Variants in EPS15L1 observed in about 807,000 individuals in gnomAD.
The protein encoded by EPS15L1 is epidermal growth factor receptor pathway substrate 15 like 1.
EPS15L1 carries 43 observed loss-of-function variants against 117.1 expected under a neutral mutation model. That is an observed-to-expected ratio of 0.37 (90% CI 0.29 to 0.47). EPS15L1 has a LOEUF of 0.47. EPS15L1 is among the 20% of genes least tolerant of loss of function. The pLI is 0.99. For missense variants in EPS15L1, 981 were observed against 1,164.0 expected (o/e 0.84, Z 2.29); for synonymous variants, 459 against 470.5 (o/e 0.98, Z 0.32).
intron 22 of EPS15L1, among the ~76,000 whole-genome samples, chr19:16,376,112 G>A (rs1308540621): frequency 6.6e-6 from 1 of 152,178 alleles, no homozygotes; most frequent in Non-Finnish European, 1.5e-5. Context: ...AAGGGCTCGG[G>A]GGCATGCCCT....
chr19:16,363,921 C>A (rs1420229109), intron 22 of EPS15L1, among the ~76,000 whole-genome samples: 2 of 152,232 alleles, frequency 1.3e-5, no homozygotes, highest in African/African-American at 4.8e-5. Flanking sequence ...CAGAAGGACT[C>A]GGAGACAAAC....
Position 16,393,994 on chromosome 19 carries a change from CG to C in EPS15L1, c.1922del (p.Pro641ArgfsTer87). On this transcript the variant is annotated frameshift_variant, in exon 18 of 24. Transcript: ENST00000455140. LOFTEE classifies it high-confidence loss of function. ...GTTCTGCAAAGGGGTCATTCTGGAACGGGTCGCCTGGTTGGAAGAGGAGAGA... is the reference window on the plus strand; with the variant it reads ...GTTCTGCAAAGGGGTCATTCTGGAACGGTCGCCTGGTTGGAAGAGGAGAGA... ...FKGADPFKGDPFQNDPFAEQQ... is the reference protein window; with the variant it reads ...FKGADPFKGDXFQNDPFAEQQ... 1 of 1,614,064 alleles carries C rather than the reference CG, an allele frequency of 6.2e-7. No individual in the cohort carries two copies. The highest frequency in any genetic ancestry group is 8.5e-7 in the Non-Finnish European group (1 of 1,179,948).
rs1420217721 is a variant in EPS15L1 at position 16,361,844 on chromosome 19, A to G, written c.2521T>C (p.Phe841Leu). 6.2e-7 allele frequency: 1 copy of G among 1,614,070 alleles called. No homozygotes were observed. Among genetic ancestry groups the G allele is most frequent in the Non-Finnish European group, 8.5e-7 (1 of 1,179,998 alleles). ...GGTTTAGCTGCAGAGGAGGGGACAA[A>G]TGGGTCTTTTCCACTAAACGGGTCC... ...FGDPFSGKDP[F>L]VPSSAAKPSK... Residue 841 changes from phenylalanine to leucine, a missense_variant, in exon 23 of 24, where the codon TTT becomes CTT. By Grantham distance (22) the Phe-to-Leu change is conservative (BLOSUM62 0). Around this residue, in one of 5 missense-constraint regions of EPS15L1, gnomAD observed 819 missense variants for 949.0 expected, o/e 0.86. Coordinates refer to ENST00000455140, the MANE Select transcript of EPS15L1 (RefSeq NM_001258374.3).
Position 16,457,506 on chromosome 19 carries a change from G to A in EPS15L1, c.33+14407C>T, listed in dbSNP as rs552934044. 1.1e-3 allele frequency among the ~76,000 whole-genome samples: 160 copies of A among 152,304 alleles called. 2 individuals carry two copies. Among genetic ancestry groups the A allele is most frequent in the South Asian group, 7.5e-3 (36 of 4,826 alleles). On this transcript the variant is annotated intron_variant, in intron 1 of 23. Coordinates refer to ENST00000455140, the MANE Select transcript of EPS15L1 (RefSeq NM_001258374.3). The stretch of plus-strand genomic sequence containing the variant: ...GAGACAGGCTTGCCACGGGGAGGGA[G>A]GGAGGAGGCTCCACCACAGGAAATA...
At chr19:16,380,253 G>C (rs1317162688) in intron 21 of EPS15L1, among the ~76,000 whole-genome samples, 1 of 144,000 alleles carries the variant, frequency 6.9e-6, no homozygotes, top group Non-Finnish European at 1.5e-5. Context: ...TCTAGTTACA[G>C]CAATGCAGCC....
At chr19:16,355,909 G>A (rs1458774043) in intron 23 of EPS15L1, 58 bp from the exon 24 acceptor site, 7 of 1,520,182 alleles carry the variant, frequency 4.6e-6, no homozygotes. Flanking sequence ...CCTGCAAGCT[G>A]GAGGGAGGCA....
At chr19:16,402,602 A>G in intron 15 of EPS15L1, 117 bp from the exon 16 acceptor site, 1 of 986,838 alleles carries the variant, frequency 1.0e-6, no homozygotes, top group South Asian at 1.7e-5. Context: ...AATGTAGTGG[A>G]GTGATCATAG....
At chr19:16,427,971 A>G (rs2062682387) in intron 8 of EPS15L1, among the ~76,000 whole-genome samples, 2 of 151,616 alleles carry the variant, frequency 1.3e-5, no homozygotes, top group African/African-American at 4.8e-5. Context: ...TGGGAGGCCA[A>G]GGCGGGTGGA....
At chr19:16,360,225 T>C (rs1394193691) in intron 23 of EPS15L1, among the ~76,000 whole-genome samples, 1 of 152,112 alleles carries the variant, frequency 6.6e-6, no homozygotes, top group Non-Finnish European at 1.5e-5. Flanking sequence ...ACCTGAGTCA[T>C]GTGTGAAGAG....
intron 21 of EPS15L1, 49 bp downstream of exon 21, chr19:16,385,080 G>A (rs778071843): frequency 1.1e-5 from 16 of 1,425,000 alleles, no homozygotes; most frequent in Admixed American, 6.7e-5. Flanking sequence ...CATGACAAGA[G>A]GCACAAAGAC....
At chr19:16,422,614 C>T (rs1413345070) in intron 9 of EPS15L1, among the ~76,000 whole-genome samples, 6 of 152,136 alleles carry the variant, frequency 3.9e-5, no homozygotes, top group East Asian at 3.9e-4. Flanking sequence ...CTTCAATGAA[C>T]GCCATGATGC....
At chr19:16,420,500 ACT>A (rs898987274) in intron 10 of EPS15L1, among the ~76,000 whole-genome samples, 1 of 151,884 alleles carries the variant, frequency 6.6e-6, no homozygotes, top group African/African-American at 2.4e-5. Context: ...TTGGGTGATG[ACT>A]CTGCGACAGC....
chr19:16,432,328 G>A (rs924457063), intron 7 of EPS15L1, among the ~76,000 whole-genome samples: 2 of 152,108 alleles, frequency 1.3e-5, no homozygotes, highest in Non-Finnish European at 2.9e-5. Flanking sequence ...CAGCACTTTG[G>A]GAGGCCAAGG....
rs1429778236 is a variant in EPS15L1 at position 16,370,520 on chromosome 19, C to T, written c.2380+6602G>A. ...TGGGAGCCCAGCCACTCTAGGCCTG[C>T]ACCCCACCCTGCAGCCCCCCAGGCC... On this transcript the variant is annotated intron_variant, in intron 22 of 23. Coordinates refer to ENST00000455140, the MANE Select transcript of EPS15L1 (RefSeq NM_001258374.3). This position sits in a 1 kb window ranked among gnomAD's most constrained non-coding sequence, Gnocchi z 5.2. Among the ~76,000 whole-genome samples the T allele has an allele frequency of 1.3e-5, 2 of 152,098 alleles. No individual in the cohort carries two copies. Among genetic ancestry groups the T allele is most frequent in the African/African-American group, 2.4e-5 (1 of 41,402 alleles).
chr19:16,451,529 A>AT (rs1444483466), intron 1 of EPS15L1, among the ~76,000 whole-genome samples: 3 of 150,604 alleles, frequency 2.0e-5, no homozygotes, highest in Non-Finnish European at 3.0e-5. Context: ...TATTTATTTT[A>AT]TTTTTTTTAT....
At position 16,355,564 on chromosome 19, in the gene EPS15L1, A is replaced by G; in HGVS notation, c.*141T>C. Reference sequence around the variant, plus strand: ...GTGACCTTTCCAGGTCTTGCAGCCGAGTCTGCTCACCCTGAACAAGCCCCC... The same window carrying G: ...GTGACCTTTCCAGGTCTTGCAGCCGGGTCTGCTCACCCTGAACAAGCCCCC... On this transcript the variant is annotated 3_prime_UTR_variant, in exon 24 of 24. Transcript: ENST00000455140. The G allele has an allele frequency of 1.8e-6, 2 of 1,096,654 alleles. No homozygotes were observed. The highest frequency in any genetic ancestry group is 1.3e-6 in the Non-Finnish European group (1 of 788,864). 67.9% of individuals were successfully genotyped at this position (1,096,654 alleles called of 1,614,324 possible). A position where few individuals can be genotyped will look rare whatever the true frequency, so the allele number is the denominator to read the frequency against.
intron 22 of EPS15L1, 110 bp downstream of exon 22, chr19:16,377,012 C>G: frequency 7.3e-7 from 1 of 1,376,050 alleles, no homozygotes; most frequent in Non-Finnish European, 9.8e-7. Context: ...GCTCCCCACA[C>G]AGGGTCCCAC....
intron 1 of EPS15L1, among the ~76,000 whole-genome samples, chr19:16,453,662 G>A (rs1314490283): frequency 2.0e-5 from 3 of 151,502 alleles, no homozygotes; most frequent in South Asian, 2.1e-4. Flanking sequence ...GCAGTGAGCC[G>A]ACATCGAGCC....
rs182426976 is a variant in EPS15L1 at position 16,382,504 on chromosome 19, T to C, written c.2247+2625A>G. 4.1e-4 allele frequency among the ~76,000 whole-genome samples: 62 copies of C among 152,282 alleles called. No individual in the cohort carries two copies. In the Middle Eastern group the frequency reaches 0.014, roughly 33 times the overall value. On this transcript the variant is annotated intron_variant, in intron 21 of 23. Coordinates refer to ENST00000455140, the MANE Select transcript of EPS15L1 (RefSeq NM_001258374.3). ...CGTTTGAGTTCACCAGTTGAAGAAC[T>C]GGTTCAAAACAGAAGACTGAATTTG...
Sources: allele counts gnomAD v4.1 joint callset (sites outside exome capture counted in the v4.1 genomes callset), GRCh38; gene constraint gnomAD v4.1.1; regional missense constraint gnomAD v4.1.1; non-coding constraint Gnocchi (gnomAD v3.1); transcripts MANE v1.5; gene names NCBI Gene and HGNC (gene_info 2026-07-23, HGNC 2026-07-21).